PARD3B: variants seen among roughly 807,000 people sequenced by gnomAD.
PARD3B encodes the protein partitioning defective 3 homolog B.
A neutral mutation model predicts 130.2 loss-of-function variants in PARD3B; 103 were observed. The ratio of observed to expected loss-of-function variants is 0.79; its 90% CI spans 0.67 to 0.93. The LOEUF (loss-of-function observed/expected upper bound fraction) is 0.93. Ranked by LOEUF, PARD3B falls within the 40% of genes least tolerant of loss-of-function variation. The pLI is 0.00. For missense variants in PARD3B, 1,609 were observed against 1,499.2 expected, an observed-to-expected ratio of 1.07 and a Z score of -1.21; for synonymous variants, 583 against 553.2, an observed-to-expected ratio of 1.05 and a Z score of -0.76.
chr2:204,905,458 C>T (rs2047010660), intron 2 of PARD3B, among the ~76,000 whole-genome samples: 1 of 152,068 alleles, frequency 6.6e-6, no homozygotes, highest in South Asian at 2.1e-4. Flanking sequence ...TCTGATAATT[C>T]TTTGAAAGAA....
Position 205,046,480 on chromosome 2 carries a change from G to GT in PARD3B, c.395-1084dup, listed in dbSNP as rs10538808. Among the ~76,000 whole-genome samples the GT allele has an allele frequency of 5.7e-3, 797 of 140,732 alleles. 1 individual carries two copies. The highest frequency in any genetic ancestry group is 9.9e-3 in the African/African-American group (383 of 38,538). The allele number at this position is 140,732 out of a possible 152,430, so 92.3% of individuals were successfully genotyped here. A position where few individuals can be genotyped will look rare whatever the true frequency, so the allele number is the denominator to read the frequency against. On this transcript the variant is annotated intron_variant, in intron 3 of 22. Coordinates refer to ENST00000406610, the MANE Select transcript of PARD3B (RefSeq NM_001302769.2). ...ATGTTAATTTCTTATCATGAAAGAA[G>GT]TTTTTTTTTTTTTTTTTAAGAAAAG...
At chr2:205,075,349 A>C (rs183854293) in intron 4 of PARD3B, among the ~76,000 whole-genome samples, 316 of 152,192 alleles carry the variant, frequency 2.1e-3, no homozygotes, top group Admixed American at 3.9e-3. Context: ...ATTTCTTTTC[A>C]TTGCTCATGG....
At position 205,310,719 on chromosome 2, in the gene PARD3B, C is replaced by CTTTTTTTTTTTTTTTTTT. The variant is rs34032930; in HGVS notation, c.2630+9023_2630+9040dup. Among the ~76,000 whole-genome samples the CTTTTTTTTTTTTTTTTTT allele has an allele frequency of 1.3e-3, 107 of 82,602 alleles. 1 individual carries two copies. Among genetic ancestry groups the CTTTTTTTTTTTTTTTTTT allele is most frequent in the South Asian group, 2.0e-3 (4 of 1,956 alleles). 54.2% of individuals were successfully genotyped at this position (82,602 alleles called of 152,430 possible). ...TATTTCTTCCTTTCTTTCTTTCTTTCTTTTTTTTTTTTTTTTTTTTTTGAG... is the reference window on the plus strand; with the variant it reads ...TATTTCTTCCTTTCTTTCTTTCTTTCTTTTTTTTTTTTTTTTTTTTTTTTTTTTTTTTTTTTTTTTGAG... On this transcript the variant is annotated intron_variant, in intron 18 of 22. Transcript: ENST00000406610.
At chr2:205,378,870 T>C (rs1013113910) in intron 18 of PARD3B, among the ~76,000 whole-genome samples, 6 of 152,012 alleles carry the variant, frequency 3.9e-5, no homozygotes, top group Non-Finnish European at 8.8e-5. Flanking sequence ...GACCTTGTGA[T>C]CTGCCCGCCT....
chr2:205,168,320 A>AGAGAGAGTGT lies in PARD3B; in HGVS notation c.1621-3890_1621-3889insAGAGAGTGTG, dbSNP rs371904121. On this transcript the variant is annotated intron_variant, in intron 11 of 22. Transcript: ENST00000406610. ...GAGAGAGAGAGAGAGAGAGAGAGAGAGTGTGTGTGTGTGAATATTGCAAGC... is the reference window on the plus strand; with the variant it reads ...GAGAGAGAGAGAGAGAGAGAGAGAGAGAGAGAGTGTGTGTGTGTGTGTGAATATTGCAAGC... 6.4e-3 allele frequency among the ~76,000 whole-genome samples: 767 copies of AGAGAGAGTGT among 119,710 alleles called. 9 individuals are homozygous for AGAGAGAGTGT. Among genetic ancestry groups the AGAGAGAGTGT allele is most frequent in the Middle Eastern group, 0.036 (8 of 220 alleles). 78.5% of individuals were successfully genotyped at this position (119,710 alleles called of 152,430 possible).
chr2:205,253,868 T>A lies in PARD3B; in HGVS notation c.2185+8046T>A, dbSNP rs2039960040. 1.3e-5 allele frequency among the ~76,000 whole-genome samples: 2 copies of A among 152,086 alleles called. No homozygotes were observed. The highest frequency in any genetic ancestry group is 3.9e-4 in the East Asian group (2 of 5,178). On this transcript the variant is annotated intron_variant, in intron 16 of 22. Coordinates refer to ENST00000406610, the MANE Select transcript of PARD3B (RefSeq NM_001302769.2). This position sits in a 1 kb window ranked among gnomAD's most constrained non-coding sequence, Gnocchi z 4.4. ...AAAGCTGCTGAGAAAGTAGAATTCA[T>A]AGTGGAGAACTGCATTTCAATTAAG...
chr2:204,817,829 G>A lies in PARD3B; in HGVS notation c.222+131547G>A, dbSNP rs546686200. Among the ~76,000 whole-genome samples, 6 of 152,252 alleles carry A rather than the reference G, an allele frequency of 3.9e-5. No individual in the cohort carries two copies. The South Asian group carries it at 8.3e-4, about 21-fold the overall frequency. ...TGAAGCAGTTAATAGAGCTCACCGTGTTTGTTTCTTCTGTCTCAAGGATCA... is the reference window on the plus strand; with the variant it reads ...TGAAGCAGTTAATAGAGCTCACCGTATTTGTTTCTTCTGTCTCAAGGATCA... On this transcript the variant is annotated intron_variant, in intron 2 of 22. Coordinates refer to ENST00000406610, the MANE Select transcript of PARD3B (RefSeq NM_001302769.2).
At chr2:205,148,921 A>G (rs1373560344) in intron 10 of PARD3B, among the ~76,000 whole-genome samples, 2 of 152,154 alleles carry the variant, frequency 1.3e-5, no homozygotes, top group East Asian at 1.9e-4. Flanking sequence ...TGAGGGCCAT[A>G]AAAGGTTCAG....
At chr2:205,018,230 G>A (rs933677888) in intron 3 of PARD3B, among the ~76,000 whole-genome samples, 2 of 152,104 alleles carry the variant, frequency 1.3e-5, no homozygotes, top group African/African-American at 4.8e-5. Context: ...CTAAAAGTGA[G>A]TACTCACTTT....
intron 1 of PARD3B, among the ~76,000 whole-genome samples, chr2:204,592,114 G>T (rs576767351): frequency 2.6e-5 from 4 of 152,374 alleles, no homozygotes; most frequent in African/African-American, 9.6e-5. Context: ...GAAAACTGGT[G>T]ACCCCTCAGT....
chr2:204,789,961 C>T (rs1317270763), intron 2 of PARD3B, among the ~76,000 whole-genome samples: 6 of 151,908 alleles, frequency 3.9e-5, no homozygotes, highest in African/African-American at 1.5e-4. Flanking sequence ...AGCTCCACCT[C>T]CCGGGTTCAC....
rs190787637 is a variant in PARD3B, at chr2:204,811,308, G to A, written c.222+125026G>A. ...AATTGGAACTTTTGTATCTGTTGCCGTAATAGAAGGTCTTGAAGTACTTAG... is the reference window on the plus strand; with the variant it reads ...AATTGGAACTTTTGTATCTGTTGCCATAATAGAAGGTCTTGAAGTACTTAG... On this transcript the variant is annotated intron_variant, in intron 2 of 22. Coordinates refer to ENST00000406610, the MANE Select transcript of PARD3B (RefSeq NM_001302769.2). Among the ~76,000 whole-genome samples the A allele has an allele frequency of 1.3e-3, 191 of 152,144 alleles. 2 individuals are homozygous for A. The South Asian group carries it at 0.026, about 20-fold the overall frequency.
At chr2:204,876,389 A>G (rs2045845160) in intron 2 of PARD3B, among the ~76,000 whole-genome samples, 1 of 152,106 alleles carries the variant, frequency 6.6e-6, no homozygotes, top group Non-Finnish European at 1.5e-5. Context: ...AGCAAATCAA[A>G]TTTTTCCACT....
Position 205,341,102 on chromosome 2 carries a change from A to T in PARD3B, c.2630+39401A>T, listed in dbSNP as rs1177564894. ...TCAAAAAAATAAAAAATAAAAAAAT[A>T]AAAAATGCTAAAGAAAAGGGAACTC... is the stretch of plus-strand genomic sequence containing the variant. On this transcript the variant is annotated intron_variant, in intron 18 of 22. Coordinates refer to ENST00000406610, the MANE Select transcript of PARD3B (RefSeq NM_001302769.2). This position sits in a 1 kb window ranked among gnomAD's most constrained non-coding sequence, Gnocchi z 4.3. Among the ~76,000 whole-genome samples, 1 of 152,052 alleles carries T rather than the reference A, an allele frequency of 6.6e-6. No homozygotes were observed. Among genetic ancestry groups the T allele is most frequent in the Middle Eastern group, 3.2e-3 (1 of 316 alleles).
At chr2:205,206,242 T>G (rs1361742450) in intron 15 of PARD3B, among the ~76,000 whole-genome samples, 1 of 150,208 alleles carries the variant, frequency 6.7e-6, no homozygotes, top group Admixed American at 6.6e-5. Context: ...ATACTTTAAG[T>G]TTTAGGGTAC....
At chr2:204,617,914 A>G (rs1336089010) in intron 1 of PARD3B, among the ~76,000 whole-genome samples, 2 of 152,204 alleles carry the variant, frequency 1.3e-5, no homozygotes, top group African/African-American at 4.8e-5. Flanking sequence ...TGTGATGTAT[A>G]TGTACCACAT....
At chr2:205,566,997 AT>A (rs2053362603) in intron 22 of PARD3B, among the ~76,000 whole-genome samples, 1 of 152,248 alleles carries the variant, frequency 6.6e-6, no homozygotes. Context: ...CTCTGACTCC[AT>A]GAAGCATAAG....
chr2:205,038,139 A>G (rs988130615), intron 3 of PARD3B, among the ~76,000 whole-genome samples: 1 of 152,160 alleles, frequency 6.6e-6, no homozygotes, highest in Non-Finnish European at 1.5e-5. Context: ...TACACCTGAA[A>G]AAGAATGTAG....
At chr2:205,168,320 A>AGAGAGAGTGAGT (rs371904121) in intron 11 of PARD3B, among the ~76,000 whole-genome samples, 8 of 119,768 alleles carry the variant, frequency 6.7e-5, no homozygotes, top group Admixed American at 5.2e-4. Context: ...AGAGAGAGAG[A>AGAGAGAGTGAGT]GTGTGTGTGT....
Sources: allele counts gnomAD v4.1 joint callset (sites outside exome capture counted in the v4.1 genomes callset), GRCh38; gene constraint gnomAD v4.1.1; non-coding constraint Gnocchi (gnomAD v3.1); transcripts MANE v1.5; gene names NCBI Gene and HGNC (gene_info 2026-07-23, HGNC 2026-07-21).